The following ANKIB1 variants were observed in gnomAD, a reference collection of about 807,000 sequenced individuals.
ANKIB1 encodes ankyrin repeat and IBR domain-containing protein 1.
ANKIB1 carries 43 observed loss-of-function variants against 122.1 expected under a neutral mutation model. The observed-to-expected ratio is 0.35, with a 90% confidence interval of 0.28 to 0.45. The LOEUF (loss-of-function observed/expected upper bound fraction) is 0.45, where lower values mean the gene tolerates loss of function less well. Among genes scored for constraint, ANKIB1 ranks in the 20% least tolerant of loss-of-function variants. ANKIB1 has a pLI of 1.00. For synonymous variants in ANKIB1, 390 were observed against 442.0 expected, an observed-to-expected ratio of 0.88 and a Z score of 1.48; for missense variants, 992 against 1,329.5, an observed-to-expected ratio of 0.75 and a Z score of 3.95.
chr7:92,393,256 A>G (rs1804823931), intron 17 of ANKIB1, among the ~76,000 whole-genome samples: 1 of 152,086 alleles, frequency 6.6e-6, no homozygotes, highest in Non-Finnish European at 1.5e-5. Flanking sequence ...TTGTATTGGT[A>G]GATACATCCA....
At chr7:92,303,496 CATT>C (rs1381565180) in intron 2 of ANKIB1, among the ~76,000 whole-genome samples, 2 of 151,970 alleles carry the variant, frequency 1.3e-5, no homozygotes, top group Non-Finnish European at 2.9e-5. Context: ...TCACCTAAAC[CATT>C]GAAAGAGAAA....
intron 11 of ANKIB1, among the ~76,000 whole-genome samples, chr7:92,385,815 G>A (rs542586422): frequency 6.6e-6 from 1 of 151,980 alleles, no homozygotes; most frequent in African/African-American, 2.4e-5. Flanking sequence ...AACCAACACG[G>A]GACATGTATA....
At chr7:92,350,544 C>T (rs981496851) in intron 7 of ANKIB1, among the ~76,000 whole-genome samples, 3 of 152,080 alleles carry the variant, frequency 2.0e-5, no homozygotes, top group African/African-American at 7.2e-5. Flanking sequence ...TTTAATTACA[C>T]TCTGACAAAA....
Position 92,352,579 on chromosome 7 carries a change from C to A in ANKIB1, c.1334C>A (p.Thr445Lys). ...GGGTCAAATACATCTGGATCTGATACACTCAGCTTCCCATTGCTGAGAGCT... is the reference window on the plus strand; with the variant it reads ...GGGTCAAATACATCTGGATCTGATAAACTCAGCTTCCCATTGCTGAGAGCT... ...KQGSNTSGSD[T>K]LSFPLLRAPA... The change falls in exon 9 of 20, where the codon ACA becomes AAA. Residue 445 changes from threonine (T) to lysine (K), a missense_variant. Physicochemically the swap from Thr to Lys is moderately conservative, Grantham distance 78. Transcript: ENST00000265742. 1 of 1,613,410 alleles carries A rather than the reference C, an allele frequency of 6.2e-7. No individual in the cohort carries two copies. Among genetic ancestry groups the A allele is most frequent in the Non-Finnish European group, 8.5e-7 (1 of 1,179,774 alleles).
At chr7:92,356,278 G>A (rs1396197117) in intron 9 of ANKIB1, among the ~76,000 whole-genome samples, 2 of 152,092 alleles carry the variant, frequency 1.3e-5, no homozygotes, top group Admixed American at 6.5e-5. Context: ...CCTAATAATT[G>A]TGTCTCATCT....
At chr7:92,376,261 T>C (rs1361672200) in intron 11 of ANKIB1, among the ~76,000 whole-genome samples, 1 of 152,162 alleles carries the variant, frequency 6.6e-6, no homozygotes, top group Non-Finnish European at 1.5e-5. Flanking sequence ...GAGCCAGACA[T>C]TGACTTTTCT....
chr7:92,388,656 G>T (rs1046438549), intron 14 of ANKIB1, among the ~76,000 whole-genome samples: 1 of 152,160 alleles, frequency 6.6e-6, no homozygotes, highest in Non-Finnish European at 1.5e-5. Context: ...GCAGGTTCTG[G>T]TATGTTTGTT....
chr7:92,346,587 A>G (rs1364112337), intron 7 of ANKIB1, among the ~76,000 whole-genome samples: 1 of 152,246 alleles, frequency 6.6e-6, no homozygotes, highest in African/African-American at 2.4e-5. Context: ...TTACAGGTAT[A>G]CTAATTGACA....
intron 1 of ANKIB1, among the ~76,000 whole-genome samples, chr7:92,262,611 C>T (rs1178085244): frequency 6.6e-6 from 1 of 152,012 alleles, no homozygotes; most frequent in East Asian, 1.9e-4. Context: ...TAAAAGAAGG[C>T]TATATACATA....
chr7:92,398,447 T>C lies in ANKIB1; in HGVS notation c.2768T>C (p.Met923Thr). ...CTTTTGGAACTTGGTGACAGCCTCA[T>C]GAGACTAGGAGCAGAGAATGACCCA... ...SELLELGDSL[M>T]RLGAENDPFS... Residue 923 changes from methionine (M) to threonine (T), a missense_variant, in exon 20 of 20, where the codon ATG becomes ACG. Met to Thr is a moderately conservative substitution (Grantham distance 81, BLOSUM62 -1). This residue lies in a region of ANKIB1 where 384 missense variants were observed against 412.0 expected (regional missense o/e 0.93). Transcript: ENST00000265742. The C allele has an allele frequency of 6.2e-7, 1 of 1,613,890 alleles. No individual in the cohort carries two copies. The highest frequency in any genetic ancestry group is 2.2e-5 in the East Asian group (1 of 44,836).
chr7:92,249,145 C>A (rs548155124), intron 1 of ANKIB1, among the ~76,000 whole-genome samples: 1 of 152,274 alleles, frequency 6.6e-6, no homozygotes, highest in South Asian at 2.1e-4. Flanking sequence ...GCCTTGGCCT[C>A]CCAAAATGTT....
intron 2 of ANKIB1, among the ~76,000 whole-genome samples, chr7:92,303,482 G>GT (rs1030554221): frequency 6.6e-6 from 1 of 152,186 alleles, no homozygotes; most frequent in Admixed American, 6.5e-5. Context: ...TTTACAAAGT[G>GT]TATTCACCTA....
At chr7:92,396,538 G>T in intron 18 of ANKIB1, 62 bp downstream of exon 18, 1 of 820,376 alleles carries the variant, frequency 1.2e-6, no homozygotes, top group East Asian at 2.8e-5. Context: ...CCTTCAAACT[G>T]GCTGATGTAA....
chr7:92,385,290 A>G (rs912933951), intron 11 of ANKIB1, among the ~76,000 whole-genome samples: 5 of 152,214 alleles, frequency 3.3e-5, no homozygotes, highest in Admixed American at 6.5e-5. Context: ...GTGGGAGTGT[A>G]AACTAGTTCA....
chr7:92,387,955 C>T lies in ANKIB1; in HGVS notation c.1840-20C>T. 2 of 1,595,598 alleles carry T rather than the reference C, an allele frequency of 1.3e-6. No homozygotes were observed. The stretch of plus-strand genomic sequence containing the variant: ...ATAAATAAAGAGAATGGTTTAAATT[C>T]TTTATTTCTATTCCTTTAGCTAGAA... On this transcript the variant is annotated intron_variant, in intron 13 of 19. Coordinates refer to ENST00000265742, the MANE Select transcript of ANKIB1 (RefSeq NM_019004.2).
chr7:92,334,455 A>G (rs1453833367), intron 5 of ANKIB1, among the ~76,000 whole-genome samples: 3 of 152,074 alleles, frequency 2.0e-5, no homozygotes, highest in East Asian at 1.9e-4. Flanking sequence ...GTATACTATC[A>G]GACAGATTCT....
chr7:92,332,028 T>G (rs943663457), intron 5 of ANKIB1, among the ~76,000 whole-genome samples: 1 of 152,246 alleles, frequency 6.6e-6, no homozygotes, highest in Non-Finnish European at 1.5e-5. Context: ...TCCATTGATA[T>G]TTCCCTAAAT....
intron 2 of ANKIB1, among the ~76,000 whole-genome samples, chr7:92,304,773 C>A (rs2131931962): frequency 6.6e-6 from 1 of 151,922 alleles, no homozygotes; most frequent in Non-Finnish European, 1.5e-5. Flanking sequence ...ATCATAAATA[C>A]AAGGAAATAT....
chr7:92,272,402 C>A (rs7796370), intron 1 of ANKIB1, among the ~76,000 whole-genome samples: 125,145 of 152,184 alleles, frequency 0.82, 52,004 homozygotes, highest in African/African-American at 0.94. Flanking sequence ...GCAACCTTGT[C>A]GAAGGAGAGA....
Sources: allele counts gnomAD v4.1 joint callset (sites outside exome capture counted in the v4.1 genomes callset), GRCh38; gene constraint gnomAD v4.1.1; regional missense constraint gnomAD v4.1.1; transcripts MANE v1.5; gene names NCBI Gene and HGNC (gene_info 2026-07-23, HGNC 2026-07-21).